CTNND2: variants seen among roughly 807,000 people sequenced by gnomAD.
The protein encoded by CTNND2 is catenin delta 2.
A neutral mutation model predicts 144.4 loss-of-function variants in CTNND2; 22 were observed. The observed-to-expected ratio is 0.15, with a 90% confidence interval of 0.11 to 0.22. The LOEUF is 0.22. Ranked by LOEUF, CTNND2 falls within the 10% of genes least tolerant of loss-of-function variation. CTNND2 has a pLI of 1.00. For missense variants in CTNND2, 1,353 were observed against 1,618.8 expected (o/e 0.84, Z 2.82); for synonymous variants, 751 against 695.6 (o/e 1.08, Z -1.25).
chr5:11,161,144 A>G (rs1461985281), intron 11 of CTNND2, among the ~76,000 whole-genome samples: 1 of 152,188 alleles, frequency 6.6e-6, no homozygotes, highest in Non-Finnish European at 1.5e-5. Context: ...ATAAAGTTTT[A>G]TTGAAGCACA....
intron 5 of CTNND2, among the ~76,000 whole-genome samples, chr5:11,402,837 G>A (rs1420681646): frequency 6.6e-6 from 1 of 152,164 alleles, no homozygotes; most frequent in East Asian, 1.9e-4. Context: ...CTTTCAATGT[G>A]TAATGCTTTA....
intron 2 of CTNND2, among the ~76,000 whole-genome samples, chr5:11,575,841 C>A (rs1033627724): frequency 6.6e-6 from 1 of 152,044 alleles, no homozygotes; most frequent in African/African-American, 2.4e-5. Flanking sequence ...CTTAAGCCAC[C>A]ATTCTCCTTG....
At chr5:11,201,648 C>T (rs1481281582) in intron 10 of CTNND2, among the ~76,000 whole-genome samples, 4 of 152,178 alleles carry the variant, frequency 2.6e-5, no homozygotes, top group Non-Finnish European at 5.9e-5. Context: ...CAGCGTTTCA[C>T]ATATGGTGCC....
chr5:11,791,188 T>A (rs1164625426), intron 1 of CTNND2, among the ~76,000 whole-genome samples: 1 of 152,170 alleles, frequency 6.6e-6, no homozygotes, highest in African/African-American at 2.4e-5. Context: ...AACACTCTGA[T>A]TTCAGATTTC....
intron 12 of CTNND2, among the ~76,000 whole-genome samples, chr5:11,140,780 G>GA (rs918540244): frequency 4.9e-4 from 75 of 152,174 alleles, no homozygotes; most frequent in African/African-American, 1.7e-3. Flanking sequence ...GTATTGGAGA[G>GA]AAAATGTACA....
At chr5:11,047,002 T>C (rs1399903346) in intron 16 of CTNND2, among the ~76,000 whole-genome samples, 1 of 152,142 alleles carries the variant, frequency 6.6e-6, no homozygotes, top group Admixed American at 6.5e-5. Context: ...ATCACCAACA[T>C]TATTGGGGAC....
intron 9 of CTNND2, among the ~76,000 whole-genome samples, chr5:11,270,037 T>C (rs1399348887): frequency 1.3e-5 from 2 of 152,212 alleles, no homozygotes; most frequent in African/African-American, 4.8e-5. Flanking sequence ...ATTCTTAACT[T>C]CAAATGGGAA....
chr5:11,729,186 C>T (rs748155796), intron 2 of CTNND2, among the ~76,000 whole-genome samples: 8 of 134,726 alleles, frequency 5.9e-5, no homozygotes, highest in Non-Finnish European at 1.1e-4. Flanking sequence ...TACTTATGTG[C>T]CACCAAAAAA....
chr5:11,171,732 T>C (rs1295302369), intron 11 of CTNND2, among the ~76,000 whole-genome samples: 2 of 152,150 alleles, frequency 1.3e-5, no homozygotes, highest in Admixed American at 1.3e-4. Context: ...TCATGAAAAT[T>C]CTGACAGTGA....
intron 9 of CTNND2, among the ~76,000 whole-genome samples, chr5:11,336,275 T>C (rs1193028184): frequency 6.6e-6 from 1 of 152,230 alleles, no homozygotes; most frequent in Non-Finnish European, 1.5e-5. Flanking sequence ...CGCTCTCCAC[T>C]GGTTAACAGA....
intron 3 of CTNND2, among the ~76,000 whole-genome samples, chr5:11,534,433 T>C (rs754059830): frequency 3.3e-5 from 5 of 151,974 alleles, no homozygotes; most frequent in Non-Finnish European, 7.4e-5. Flanking sequence ...CTGGCTAACA[T>C]TCCTACCAAA....
intron 18 of CTNND2, among the ~76,000 whole-genome samples, chr5:11,004,093 G>A (rs538485957): frequency 1.6e-4 from 25 of 152,298 alleles, no homozygotes; most frequent in African/African-American, 4.8e-4. Flanking sequence ...ATTGTTAACC[G>A]CTAGGAGTTA....
At position 11,606,426 on chromosome 5, in the gene CTNND2, G is replaced by A. The variant is rs185063671; in HGVS notation, c.175-41370C>T. On this transcript the variant is annotated intron_variant, in intron 2 of 21. Coordinates refer to ENST00000304623, the MANE Select transcript of CTNND2 (RefSeq NM_001332.4). ...ACACAGCAGTGGAAAGTATCAGAAG[G>A]CAGTAAGGGAAAGAGACACATTGGG... Among the ~76,000 whole-genome samples, 107 of 152,312 alleles carry A rather than the reference G, an allele frequency of 7.0e-4. 1 individual carries two copies. Among genetic ancestry groups the A allele is most frequent in the African/African-American group, 2.5e-3 (103 of 41,572 alleles).
intron 6 of CTNND2, among the ~76,000 whole-genome samples, chr5:11,390,981 C>A (rs1759578924): frequency 6.6e-6 from 1 of 152,126 alleles, no homozygotes; most frequent in African/African-American, 2.4e-5. Flanking sequence ...AAGGCACAGG[C>A]CACAGGGCCA....
At chr5:11,763,218 A>T (rs368056011) in intron 1 of CTNND2, among the ~76,000 whole-genome samples, 6 of 152,334 alleles carry the variant, frequency 3.9e-5, no homozygotes, top group Admixed American at 6.5e-5. Flanking sequence ...TACTTTGCAG[A>T]ACCATGAGCT....
intron 3 of CTNND2, among the ~76,000 whole-genome samples, chr5:11,443,381 TGGGGGGTGTGTGGTGTGTGTGTGG>T (rs1227376452): frequency 7.7e-5 from 3 of 39,150 alleles, no homozygotes; most frequent in African/African-American, 2.3e-4. Context: ...GTGGCATGAG[TGGGGGGTGTGTGGTGTGTGTGTGG>T]GGGGGGTGTG....
intron 3 of CTNND2, among the ~76,000 whole-genome samples, chr5:11,563,633 A>G (rs1278060380): frequency 6.6e-6 from 1 of 152,218 alleles, no homozygotes; most frequent in African/African-American, 2.4e-5. Context: ...ATTTGGATGC[A>G]GAAGCAGATG....
At chr5:11,164,593 C>T (rs1759115542) in intron 11 of CTNND2, among the ~76,000 whole-genome samples, 1 of 152,116 alleles carries the variant, frequency 6.6e-6, no homozygotes, top group Non-Finnish European at 1.5e-5. Flanking sequence ...TGTGCTCCAG[C>T]CAAAATGGCC....
At chr5:11,153,102 A>G (rs1446896759) in intron 12 of CTNND2, among the ~76,000 whole-genome samples, 1 of 152,102 alleles carries the variant, frequency 6.6e-6, no homozygotes, top group Non-Finnish European at 1.5e-5. Flanking sequence ...CATCTCTACT[A>G]AAAATACAAA....
Sources: gnomAD v4.1 joint callset for allele counts (sites outside exome capture counted in the v4.1 genomes callset) on GRCh38, gnomAD v4.1.1 for gene constraint, MANE v1.5 for transcripts, NCBI Gene and HGNC (gene_info 2026-07-23, HGNC 2026-07-21) for gene names.